The following PLXDC2 variants were observed in gnomAD, a reference collection of about 807,000 sequenced individuals.
PLXDC2 encodes the protein plexin domain-containing protein 2.
Under a neutral mutation model 68.9 loss-of-function variants are expected in PLXDC2, and 40 were observed. The observed-to-expected ratio is 0.58, with a 90% CI of 0.45 to 0.76. The LOEUF is 0.76. Ranked by LOEUF, PLXDC2 falls within the 30% of genes least tolerant of loss-of-function variation. PLXDC2 has a pLI of 0.00. For missense variants in PLXDC2, 644 were observed against 661.9 expected, an observed-to-expected ratio of 0.97 and a Z score of 0.30; for synonymous variants, 243 against 234.2, an observed-to-expected ratio of 1.04 and a Z score of -0.34.
intron 1 of PLXDC2, among the ~76,000 whole-genome samples, chr10:19,978,673 C>T (rs897041898): frequency 6.6e-6 from 1 of 152,092 alleles, no homozygotes; most frequent in African/African-American, 2.4e-5. Flanking sequence ...TAGATTCACC[C>T]CTCAGTAATT....
intron 1 of PLXDC2, among the ~76,000 whole-genome samples, chr10:19,960,369 T>C (rs1419011943): frequency 6.6e-6 from 1 of 151,618 alleles, no homozygotes. Context: ...GTCTGTAAGA[T>C]AAATAAATGA....
chr10:20,019,466 A>G (rs1160578043), intron 2 of PLXDC2, among the ~76,000 whole-genome samples: 4 of 152,118 alleles, frequency 2.6e-5, no homozygotes, highest in Non-Finnish European at 1.5e-5. Flanking sequence ...TATGAACTGA[A>G]TTTTATCCAC....
chr10:19,875,587 G>C (rs1400799632), intron 1 of PLXDC2, among the ~76,000 whole-genome samples: 1 of 152,174 alleles, frequency 6.6e-6, no homozygotes, highest in African/African-American at 2.4e-5. Context: ...GTGCTGTATG[G>C]TGTGTGTGTG....
At chr10:20,021,955 C>G (rs578255192) in intron 2 of PLXDC2, among the ~76,000 whole-genome samples, 1 of 152,272 alleles carries the variant, frequency 6.6e-6, no homozygotes, top group African/African-American at 2.4e-5. Context: ...CCTTGGCCTC[C>G]CAAAGTGCTG....
At chr10:20,002,880 A>C (rs978911944) in intron 2 of PLXDC2, among the ~76,000 whole-genome samples, 1 of 152,144 alleles carries the variant, frequency 6.6e-6, no homozygotes, top group African/African-American at 2.4e-5. Flanking sequence ...CACTGGTTCC[A>C]GTGGCTTGGG....
chr10:19,907,474 C>G (rs1039233006), intron 1 of PLXDC2, among the ~76,000 whole-genome samples: 1 of 152,092 alleles, frequency 6.6e-6, no homozygotes, highest in African/African-American at 2.4e-5. Flanking sequence ...TATGAAAAGG[C>G]AAACTGAAGA....
rs116460330 is a variant in PLXDC2, at chr10:19,819,846, C to T, written c.112+2655C>T. On this transcript the variant is annotated intron_variant, in intron 1 of 13. Coordinates refer to ENST00000377252, the MANE Select transcript of PLXDC2 (RefSeq NM_032812.9). ...TGTTATGAGAGTGTTGCTGTTGAGACATAATCACTAAAGTTTCTGTTTACA... is the reference window on the plus strand; with the variant it reads ...TGTTATGAGAGTGTTGCTGTTGAGATATAATCACTAAAGTTTCTGTTTACA... 4.4e-3 allele frequency among the ~76,000 whole-genome samples: 676 copies of T among 152,236 alleles called. 5 individuals are homozygous for T. The highest frequency in any genetic ancestry group is 0.015 in the African/African-American group (625 of 41,542).
chr10:19,839,186 CAAA>C (rs3043806), intron 1 of PLXDC2, among the ~76,000 whole-genome samples: 37,040 of 100,578 alleles, frequency 0.37, 5,112 homozygotes, highest in East Asian at 0.5. Flanking sequence ...AACTCAGTCT[CAAA>C]AAAAAAAAAA....
rs1365163298 is a variant in PLXDC2 at position 20,040,991 on chromosome 10, T to G, written c.325-5878T>G. Among the ~76,000 whole-genome samples, 5 of 152,342 alleles carry G rather than the reference T, an allele frequency of 3.3e-5. No homozygotes were observed. The South Asian group carries it at 1.0e-3, about 32-fold the overall frequency. The stretch of plus-strand genomic sequence containing the variant: ...ATAGTTATTTTTATATTTTCATGGT[T>G]GATAGTAATAGCATTCTGATTTATA... On this transcript the variant is annotated intron_variant, in intron 2 of 13. Coordinates refer to ENST00000377252, the MANE Select transcript of PLXDC2 (RefSeq NM_032812.9).
At chr10:19,909,970 T>C (rs1833236151) in intron 1 of PLXDC2, among the ~76,000 whole-genome samples, 2 of 152,166 alleles carry the variant, frequency 1.3e-5, no homozygotes, top group South Asian at 4.1e-4. Context: ...TGCACGTATT[T>C]TGGGAAATAT....
intron 2 of PLXDC2, among the ~76,000 whole-genome samples, chr10:20,045,298 G>A (rs917280498): frequency 6.6e-6 from 1 of 152,044 alleles, no homozygotes; most frequent in African/African-American, 2.4e-5. Context: ...AGCCTGTCAA[G>A]TAGCTGGGAT....
chr10:20,184,928 CAT>C (rs1174617668), intron 9 of PLXDC2, among the ~76,000 whole-genome samples: 1 of 151,756 alleles, frequency 6.6e-6, no homozygotes, highest in Non-Finnish European at 1.5e-5. Context: ...TGTTCTCACT[CAT>C]ATGTGGGAGT....
At chr10:19,972,715 G>A (rs1158105289) in intron 1 of PLXDC2, among the ~76,000 whole-genome samples, 2 of 152,118 alleles carry the variant, frequency 1.3e-5, no homozygotes, top group Non-Finnish European at 2.9e-5. Context: ...TGGATACAGG[G>A]GCACAGTTGA....
intron 1 of PLXDC2, among the ~76,000 whole-genome samples, chr10:19,870,184 C>T (rs1270847197): frequency 3.9e-5 from 6 of 151,974 alleles, no homozygotes; most frequent in East Asian, 3.9e-4. Flanking sequence ...GATACTGCAG[C>T]GTAAAACCCA....
chr10:19,902,487 C>A (rs1457761009), intron 1 of PLXDC2, among the ~76,000 whole-genome samples: 1 of 152,046 alleles, frequency 6.6e-6, no homozygotes, highest in East Asian at 1.9e-4. Flanking sequence ...AGCTTGGTTG[C>A]TGTTGGTTTA....
chr10:19,990,501 C>T (rs567166646), intron 1 of PLXDC2, among the ~76,000 whole-genome samples: 103 of 24,450 alleles, frequency 4.2e-3, no homozygotes, highest in African/African-American at 0.021. Flanking sequence ...AAAGAGAAGC[C>T]GCTGGATTCT....
At chr10:20,143,187 A>G (rs577893790) in intron 4 of PLXDC2, 108 bp from the exon 5 acceptor site, 12 of 1,178,052 alleles carry the variant, frequency 1.0e-5, no homozygotes, top group South Asian at 3.4e-5. Context: ...TCCAGCTACC[A>G]TGACATTTTA....
chr10:20,160,263 CATAGT>C (rs1000678642), intron 6 of PLXDC2, among the ~76,000 whole-genome samples: 4 of 151,956 alleles, frequency 2.6e-5, no homozygotes, highest in African/African-American at 9.7e-5. Context: ...TATTAAGACT[CATAGT>C]AGAGTTATAT....
At chr10:19,898,564 G>A (rs57099997) in intron 1 of PLXDC2, among the ~76,000 whole-genome samples, 5,289 of 152,176 alleles carry the variant, frequency 0.035, 329 homozygotes, top group African/African-American at 0.12. Context: ...AAAATTAACA[G>A]CAACAGCAAA....
Sources: allele counts gnomAD v4.1 joint callset (sites outside exome capture counted in the v4.1 genomes callset), GRCh38; gene constraint gnomAD v4.1.1; transcripts MANE v1.5; gene names NCBI Gene and HGNC (gene_info 2026-07-23, HGNC 2026-07-21).